The following VEGFC variants were observed in gnomAD, a reference collection of about 807,000 sequenced individuals.
VEGFC encodes vascular endothelial growth factor C.
Under a neutral mutation model 46.1 loss-of-function variants are expected in VEGFC, and 12 were observed. The ratio of observed to expected loss-of-function variants is 0.26; its 90% CI spans 0.17 to 0.42. The LOEUF is 0.42. VEGFC is among the 10% of genes least tolerant of loss of function. The probability of loss-of-function intolerance (pLI) is 1.00; values close to 1 mark genes in which losing one functional copy is unlikely to be tolerated. For missense variants in VEGFC, 488 were observed against 529.4 expected, an observed-to-expected ratio of 0.92 and a Z score of 0.77; for synonymous variants, 232 against 195.5, an observed-to-expected ratio of 1.19 and a Z score of -1.56.
intron 6 of VEGFC, among the ~76,000 whole-genome samples, chr4:176,684,749 A>G (rs895941367): frequency 6.6e-6 from 1 of 152,160 alleles, no homozygotes; most frequent in Non-Finnish European, 1.5e-5. Context: ...TTTTTGAGAC[A>G]GAGTCTTGTT....
rs1395397576 is a variant in VEGFC, at chr4:176,696,946, A to G, written c.705-9019T>C. On this transcript the variant is annotated intron_variant, in intron 4 of 6. Transcript: ENST00000618562. ...GGCTAGCCATATGTAGAAAGCTGAA[A>G]CTGGATCCCTTCCTTACACCTTATA... Among the ~76,000 whole-genome samples the G allele has an allele frequency of 9.9e-5, 15 of 151,528 alleles. No homozygotes were observed. In the East Asian group the frequency reaches 2.3e-3, roughly 23 times the overall value.
Position 176,687,915 on chromosome 4 carries a change from C to G in VEGFC, c.717G>C (p.Ala239=). ...TGTAATTGGTGGGGCAGGTCTTGTTCGCTGCCTGACACCTTTGGAAGAAAC... is the reference window on the plus strand; with the variant it reads ...TGTAATTGGTGGGGCAGGTCTTGTTGGCTGCCTGACACCTTTGGAAGAAAC... ...LPATLPQCQA[A]NKTCPTNYMW... is the part of the protein sequence containing the mutation. Residue 239 remains alanine (A), a synonymous_variant, in exon 5 of 7, where the codon GCG becomes GCC. Coordinates refer to ENST00000618562, the MANE Select transcript of VEGFC (RefSeq NM_005429.5). 5 of 1,610,924 alleles carry G rather than the reference C, an allele frequency of 3.1e-6. No individual in the cohort carries two copies. Among genetic ancestry groups the G allele is most frequent in the Non-Finnish European group, 4.2e-6 (5 of 1,178,056 alleles).
chr4:176,700,420 A>C (rs546100078), intron 4 of VEGFC, among the ~76,000 whole-genome samples: 8 of 152,120 alleles, frequency 5.3e-5, no homozygotes, highest in Non-Finnish European at 1.2e-4. Flanking sequence ...CTCGAAAAAA[A>C]AAAAAGGGTG....
rs774919484 is a variant in VEGFC, at chr4:176,792,207, T to G, written c.105A>C (p.Gly35=). 1 of 1,557,630 alleles carries G rather than the reference T, an allele frequency of 6.4e-7. No individual in the cohort carries two copies. Among genetic ancestry groups the G allele is most frequent in the African/African-American group, 1.4e-5 (1 of 70,144 alleles). The part of the protein sequence containing the change: ...APAAAAAFES[G]LDLSDAEPDA... ...CGGGCTCCGCGTCCGAGAGGTCGAGTCCGGACTCGAAGGCGGCGGCGGCGG... is the reference window on the plus strand; with the variant it reads ...CGGGCTCCGCGTCCGAGAGGTCGAGGCCGGACTCGAAGGCGGCGGCGGCGG... The change falls in exon 1 of 7, where the codon GGA becomes GGC. Residue 35 remains glycine (G), a synonymous_variant. Coordinates refer to ENST00000618562, the MANE Select transcript of VEGFC (RefSeq NM_005429.5). The surrounding 1 kb of genome is among the most constrained non-coding windows in gnomAD (Gnocchi z 6.3).
chr4:176,697,518 C>G (rs1233939329), intron 4 of VEGFC, among the ~76,000 whole-genome samples: 5 of 150,984 alleles, frequency 3.3e-5, no homozygotes, highest in African/African-American at 1.2e-4. Context: ...GAAATAGGAA[C>G]ACTTTTACAC....
Position 176,768,460 on chromosome 4 carries a change from T to C in VEGFC, c.147+23705A>G, listed in dbSNP as rs114844957. ...GCTGAAAAATAATGATCAAACATTG[T>C]AAATGCTGCCAAGTAAGAGGATGTT... On this transcript the variant is annotated intron_variant, in intron 1 of 6. Transcript: ENST00000618562. Among the ~76,000 whole-genome samples, 1,024 of 135,902 alleles carry C rather than the reference T, an allele frequency of 7.5e-3. 4 individuals carry two copies. The highest frequency in any genetic ancestry group is 0.012 in the Non-Finnish European group (776 of 63,274). 89.2% of individuals were successfully genotyped at this position (135,902 alleles called of 152,430 possible).
intron 4 of VEGFC, among the ~76,000 whole-genome samples, chr4:176,698,839 C>T (rs1370210918): frequency 6.6e-6 from 1 of 152,064 alleles, no homozygotes; most frequent in Non-Finnish European, 1.5e-5. Context: ...TTATTTCACT[C>T]AGCACAATTT....
rs924316826 is a variant in VEGFC, at chr4:176,711,657, A to G, written c.553-7T>C. ...GCACTGTAATTTCAAATAACTACAA[A>G]GAAGGGACAAAAAGAAGAAAAAATT... On this transcript the variant is annotated splice_polypyrimidine_tract_variant and splice_region_variant and intron_variant, in intron 3 of 6. Coordinates refer to ENST00000618562, the MANE Select transcript of VEGFC (RefSeq NM_005429.5). 1.9e-6 allele frequency: 3 copies of G among 1,611,778 alleles called. No homozygotes were observed. The African/African-American group carries it at 4.0e-5, about 22-fold the overall frequency.
chr4:176,687,261 T>A lies in VEGFC; in HGVS notation c.1071A>T (p.Lys357Asn). ...CPRNQPLNPG[K>N]CACECTESPQ... The stretch of plus-strand genomic sequence containing the variant: ...GACTTTCTGTACATTCACAGGCACA[T>A]TTTCCAGGATTTAGGGGTTGATTTC... The change falls in exon 6 of 7, where the codon AAA becomes AAT. Residue 357 changes from lysine (K) to asparagine (N), a missense_variant. Physicochemically the swap from Lys to Asn is moderately conservative, Grantham distance 94 (BLOSUM62 0). Coordinates refer to ENST00000618562, the MANE Select transcript of VEGFC (RefSeq NM_005429.5). 1 of 1,614,192 alleles carries A rather than the reference T, an allele frequency of 6.2e-7. No homozygotes were observed. The highest frequency in any genetic ancestry group is 8.5e-7 in the Non-Finnish European group (1 of 1,180,030).
chr4:176,753,878 T>G (rs894508758), intron 1 of VEGFC, among the ~76,000 whole-genome samples: 1 of 152,096 alleles, frequency 6.6e-6, no homozygotes, highest in Non-Finnish European at 1.5e-5. Flanking sequence ...CTTTTGGATA[T>G]CTGATTTCTT....
At chr4:176,729,313 T>C (rs1359555336) in intron 2 of VEGFC, among the ~76,000 whole-genome samples, 1 of 152,182 alleles carries the variant, frequency 6.6e-6, no homozygotes, top group Non-Finnish European at 1.5e-5. Context: ...ATGTGTGTTG[T>C]TTATGCATGG....
chr4:176,759,290 A>T (rs2110907387), intron 1 of VEGFC, among the ~76,000 whole-genome samples: 1 of 152,244 alleles, frequency 6.6e-6, no homozygotes, highest in East Asian at 1.9e-4. Flanking sequence ...TCAACCATAA[A>T]AAAGAAGGAA....
intron 1 of VEGFC, among the ~76,000 whole-genome samples, chr4:176,730,945 T>A: frequency 6.6e-6 from 1 of 152,250 alleles, no homozygotes; most frequent in East Asian, 1.9e-4. Flanking sequence ...CAATTATTAA[T>A]ATGAAATGTG....
At chr4:176,746,188 A>T (rs2110887190) in intron 1 of VEGFC, among the ~76,000 whole-genome samples, 1 of 152,170 alleles carries the variant, frequency 6.6e-6, no homozygotes, top group East Asian at 1.9e-4. Flanking sequence ...AAAATACCTT[A>T]TCCTCACCTT....
intron 3 of VEGFC, among the ~76,000 whole-genome samples, chr4:176,725,855 AAT>A (rs2111014200): frequency 6.6e-6 from 1 of 152,226 alleles, no homozygotes; most frequent in South Asian, 2.1e-4. Context: ...TTTAATTATT[AAT>A]ATGTTTTAAA....
intron 4 of VEGFC, among the ~76,000 whole-genome samples, chr4:176,707,032 C>T (rs934086135): frequency 6.6e-6 from 1 of 152,126 alleles, no homozygotes; most frequent in Non-Finnish European, 1.5e-5. Context: ...AACTTAATGT[C>T]TCTGAGATCC....
At chr4:176,768,845 A>T (rs1397387794) in intron 1 of VEGFC, among the ~76,000 whole-genome samples, 1 of 152,044 alleles carries the variant, frequency 6.6e-6, no homozygotes, top group African/African-American at 2.4e-5. Context: ...TTTACCCTGA[A>T]ACTCCAGTAA....
At chr4:176,776,030 A>C (rs2110935337) in intron 1 of VEGFC, among the ~76,000 whole-genome samples, 1 of 152,346 alleles carries the variant, frequency 6.6e-6, no homozygotes, top group South Asian at 2.1e-4. Context: ...CTATCAGCCA[A>C]GCAAAGAATG....
chr4:176,742,332 G>A (rs984967682), intron 1 of VEGFC, among the ~76,000 whole-genome samples: 1 of 151,882 alleles, frequency 6.6e-6, no homozygotes, highest in Admixed American at 6.6e-5. Flanking sequence ...CCAGTCCCCC[G>A]CTGATAGGAA....
Sources: allele counts gnomAD v4.1 joint callset (sites outside exome capture counted in the v4.1 genomes callset), GRCh38; gene constraint gnomAD v4.1.1; non-coding constraint Gnocchi (gnomAD v3.1); transcripts MANE v1.5; gene names NCBI Gene and HGNC (gene_info 2026-07-23, HGNC 2026-07-21).